The following SLC14A2 variants were observed in gnomAD, a reference collection of about 807,000 sequenced individuals.
SLC14A2 encodes solute carrier family 14 member 2.
In SLC14A2, 91 loss-of-function variants were observed where a neutral mutation model predicts 104.6. The ratio of observed to expected loss-of-function variants is 0.87; its 90% CI spans 0.73 to 1.04. SLC14A2 has a LOEUF of 1.04. SLC14A2 is among the 50% of genes least tolerant of loss of function. SLC14A2 has a pLI of 0.00. For synonymous variants in SLC14A2, 476 were observed against 466.4 expected, an observed-to-expected ratio of 1.02 and a Z score of -0.27; for missense variants, 1,189 against 1,156.0, an observed-to-expected ratio of 1.03 and a Z score of -0.41.
At chr18:45,295,877 C>T (rs1450012230) in intron 1 of SLC14A2, among the ~76,000 whole-genome samples, 1 of 152,080 alleles carries the variant, frequency 6.6e-6, no homozygotes, top group African/African-American at 2.4e-5. Flanking sequence ...ACTAAATTTG[C>T]CCATCTGCAA....
intron 2 of SLC14A2, among the ~76,000 whole-genome samples, chr18:45,582,587 C>T (rs945150146): frequency 6.6e-6 from 1 of 152,154 alleles, no homozygotes; most frequent in African/African-American, 2.4e-5. Flanking sequence ...AATAAACACA[C>T]ACAAACTTTA....
intron 1 of SLC14A2, among the ~76,000 whole-genome samples, chr18:45,422,101 G>A (rs1481972400): frequency 3.9e-5 from 6 of 152,232 alleles, no homozygotes; most frequent in Non-Finnish European, 8.8e-5. Context: ...AAAGAGGCCC[G>A]AGGGTCTTGT....
chr18:45,490,586 G>A (rs1309827020), intron 2 of SLC14A2, among the ~76,000 whole-genome samples: 1 of 152,092 alleles, frequency 6.6e-6, no homozygotes, highest in Non-Finnish European at 1.5e-5. Context: ...TAATGAAAAA[G>A]ATCAATAAAT....
At position 45,607,078 on chromosome 18, in the gene SLC14A2, A is replaced by AT. The variant is rs957290804; in HGVS notation, c.-34-17543dup. ...TAATATTTTCTTACTTTGCTTTCTG[A>AT]TTTTTTTTTTCATGCATTTAAATGT... On this transcript the variant is annotated intron_variant, in intron 2 of 20. Coordinates refer to the SLC14A2 transcript ENST00000586448. Among the ~76,000 whole-genome samples the AT allele has an allele frequency of 1.8e-3, 273 of 150,182 alleles. 2 individuals carry two copies. The highest frequency in any genetic ancestry group is 5.9e-3 in the African/African-American group (242 of 40,994).
At chr18:45,556,123 C>A (rs1439100542) in intron 2 of SLC14A2, among the ~76,000 whole-genome samples, 15 of 152,170 alleles carry the variant, frequency 9.9e-5, no homozygotes, top group Non-Finnish European at 4.4e-5. Flanking sequence ...GTTACATGCT[C>A]ATGTGGTGAA....
At chr18:45,534,595 G>A (rs575011903) in intron 2 of SLC14A2, among the ~76,000 whole-genome samples, 29 of 152,106 alleles carry the variant, frequency 1.9e-4, no homozygotes, top group African/African-American at 6.7e-4. Flanking sequence ...ATAGCATGTC[G>A]GAAACTTTAG....
chr18:45,554,229 A>G (rs2044097012), intron 2 of SLC14A2, among the ~76,000 whole-genome samples: 1 of 152,200 alleles, frequency 6.6e-6, no homozygotes, highest in Non-Finnish European at 1.5e-5. Context: ...TCAAAGCAGT[A>G]ATTTACAAGA....
At chr18:45,537,023 C>CTCCCTCCT (rs2043798865) in intron 2 of SLC14A2, among the ~76,000 whole-genome samples, 1 of 36,190 alleles carries the variant, frequency 2.8e-5, no homozygotes, top group African/African-American at 1.6e-4. Context: ...CCTCTCTCCC[C>CTCCCTCCT]TCCCTCCCTC....
At chr18:45,362,813 A>G (rs1485537042) in intron 1 of SLC14A2, among the ~76,000 whole-genome samples, 1 of 152,226 alleles carries the variant, frequency 6.6e-6, no homozygotes, top group Non-Finnish European at 1.5e-5. Flanking sequence ...TGATAGTTTC[A>G]GCCACAGGTA....
chr18:45,351,123 GTTCTTTA>G (rs1313076303), intron 1 of SLC14A2, among the ~76,000 whole-genome samples: 1 of 152,074 alleles, frequency 6.6e-6, no homozygotes, highest in East Asian at 1.9e-4. Flanking sequence ...TGATGATGGT[GTTCTTTA>G]GTCTTTTATT....
In SLC14A2 at chr18:45,645,619, A is replaced by ATATATACATATATATATATATATATT; in HGVS notation, c.1351+1463_1351+1464insTACATATATATATATATATATTTATA. On this transcript the variant is annotated intron_variant, in intron 10 of 19. Transcript: ENST00000255226. The stretch of plus-strand genomic sequence containing the variant: ...TTTCATTTGGTCTTTTTAAATATAT[A>ATATATACATATATATATATATATATT]TATACATATACAAAGATATATATAG... 1.4e-3 allele frequency among the ~76,000 whole-genome samples: 162 copies of ATATATACATATATATATATATATATT among 116,736 alleles called. 8 individuals are homozygous for ATATATACATATATATATATATATATT. The highest frequency in any genetic ancestry group is 4.2e-3 in the Admixed American group (47 of 11,240). 76.6% of individuals were successfully genotyped at this position (116,736 alleles called of 152,430 possible).
chr18:45,630,522 A>G (rs966024743), intron 4 of SLC14A2, among the ~76,000 whole-genome samples: 4 of 152,138 alleles, frequency 2.6e-5, no homozygotes, highest in African/African-American at 9.7e-5. Flanking sequence ...AGTTGAACCC[A>G]ATTTTGCATA....
chr18:45,270,129 G>A (rs1174754504), intron 1 of SLC14A2, among the ~76,000 whole-genome samples: 3 of 152,040 alleles, frequency 2.0e-5, no homozygotes. Context: ...ATAGGACAAC[G>A]TCAAAGCCTA....
intron 1 of SLC14A2, among the ~76,000 whole-genome samples, chr18:45,304,406 G>C (rs947090144): frequency 6.6e-6 from 1 of 152,184 alleles, no homozygotes; most frequent in Non-Finnish European, 1.5e-5. Context: ...GCTGTGGCCA[G>C]CAATGCGGTT....
At chr18:45,569,756 C>CT (rs1169175317) in intron 2 of SLC14A2, among the ~76,000 whole-genome samples, 3 of 152,174 alleles carry the variant, frequency 2.0e-5, no homozygotes, top group African/African-American at 7.2e-5. Context: ...ACACCGATAA[C>CT]CACTCCAAAT....
At chr18:45,350,444 C>T (rs561532977) in intron 1 of SLC14A2, among the ~76,000 whole-genome samples, 5 of 152,114 alleles carry the variant, frequency 3.3e-5, no homozygotes, top group African/African-American at 4.8e-5. Context: ...GGGAAGAGGC[C>T]GCAGTTCAGT....
chr18:45,561,245 G>A (rs1055022106), intron 2 of SLC14A2, among the ~76,000 whole-genome samples: 7 of 152,136 alleles, frequency 4.6e-5, no homozygotes, highest in Non-Finnish European at 8.8e-5. Context: ...AAGGCAACGT[G>A]CCTGTCGGGG....
chr18:45,214,377 T>G (rs1264405366), intron 1 of SLC14A2, among the ~76,000 whole-genome samples: 1 of 152,048 alleles, frequency 6.6e-6, no homozygotes, highest in African/African-American at 2.4e-5. Flanking sequence ...GGTCTCTGGG[T>G]TGGGGAGATA....
At position 45,631,725 on chromosome 18, in the gene SLC14A2, G is replaced by C. The variant is rs141073974; in HGVS notation, c.522-625G>C. ...CAGCCTCAACTTCCTGGGCTCAAGT[G>C]ATCCTCCCACCTTAGCCTTCCAAGT... On this transcript the variant is annotated intron_variant, in intron 4 of 19. Transcript: ENST00000255226. Among the ~76,000 whole-genome samples, 743 of 152,306 alleles carry C rather than the reference G, an allele frequency of 4.9e-3. 9 individuals are homozygous for C. Among genetic ancestry groups the C allele is most frequent in the African/African-American group, 0.017 (698 of 41,570 alleles).
Sources: allele counts gnomAD v4.1 joint callset (sites outside exome capture counted in the v4.1 genomes callset), GRCh38; gene constraint gnomAD v4.1.1; transcripts MANE v1.5; gene names NCBI Gene and HGNC (gene_info 2026-07-23, HGNC 2026-07-21).